The following SAMD5 variants were observed in gnomAD, a reference collection of about 807,000 sequenced individuals.
The protein encoded by SAMD5 is sterile alpha motif domain containing 5.
In SAMD5, 13 loss-of-function variants were observed where a neutral mutation model predicts 11.3. The observed-to-expected ratio is 1.15, with a 90% CI of 0.75 to 1.83. The LOEUF is 1.83. Among genes scored for constraint, SAMD5 ranks in the 40% most tolerant of loss-of-function variants. The pLI is 0.00. For missense variants in SAMD5, 255 were observed against 239.1 expected (o/e 1.07, Z -0.44); for synonymous variants, 129 against 111.3 (o/e 1.16, Z -1.00).
At chr6:147,605,666 C>A (rs557884703) in intron 1 of SAMD5, among the ~76,000 whole-genome samples, 5 of 152,250 alleles carry the variant, frequency 3.3e-5, no homozygotes, top group East Asian at 1.9e-4. Flanking sequence ...CAGAGACTTA[C>A]CCCCTTTATG....
the SAMD5 span, among the ~76,000 whole-genome samples, chr6:147,814,192 TG>T: frequency 3.3e-5 from 5 of 152,196 alleles, no homozygotes; most frequent in African/African-American, 9.6e-5. Flanking sequence ...GAAACTCAGA[TG>T]TATCTCTGTT....
chr6:147,524,866 T>C (rs1363962021), intron 1 of SAMD5, among the ~76,000 whole-genome samples: 1 of 152,176 alleles, frequency 6.6e-6, no homozygotes, highest in Non-Finnish European at 1.5e-5. Context: ...CCACATTATT[T>C]CCTTCAATCC....
chr6:147,588,538 C>T (rs967256022), intron 1 of SAMD5, among the ~76,000 whole-genome samples: 2 of 151,942 alleles, frequency 1.3e-5, no homozygotes, highest in African/African-American at 4.8e-5. Context: ...GTTGGCCAGG[C>T]TGGTCTCAAA....
chr6:147,859,008 G>T, the SAMD5 span, among the ~76,000 whole-genome samples: 1 of 152,196 alleles, frequency 6.6e-6, no homozygotes, highest in Admixed American at 6.5e-5. Flanking sequence ...AAGCAGGGAA[G>T]ATTGAAACCT....
intron 1 of SAMD5, among the ~76,000 whole-genome samples, chr6:147,547,004 G>A (rs755111367): frequency 5.9e-5 from 9 of 152,136 alleles, no homozygotes; most frequent in African/African-American, 2.2e-4. Context: ...CAGCGTTGGC[G>A]TTTCCCATTA....
chr6:147,762,170 T>G, the SAMD5 span, among the ~76,000 whole-genome samples: 1 of 152,192 alleles, frequency 6.6e-6, no homozygotes, highest in African/African-American at 2.4e-5. Flanking sequence ...GTCCCATTTT[T>G]GATTATGTCA....
At chr6:147,884,610 A>G in the SAMD5 span, among the ~76,000 whole-genome samples, 1 of 152,012 alleles carries the variant, frequency 6.6e-6, no homozygotes, top group Admixed American at 6.6e-5. Flanking sequence ...TCACTTTACA[A>G]TAGAAGGGAA....
In SAMD5 at chr6:147,685,570, T is replaced by C. The variant is rs574848257; in HGVS notation, c.163-51747T>C. On this transcript the variant is annotated intron_variant, in intron 1 of 1. Coordinates refer to the SAMD5 transcript ENST00000566741. Reference sequence around the variant, plus strand: ...CTTTCTTCATTTACATGGATAACTTTGCCTTCTTGGAGTTCTTCTGGCTGC... The same window carrying C: ...CTTTCTTCATTTACATGGATAACTTCGCCTTCTTGGAGTTCTTCTGGCTGC... Among the ~76,000 whole-genome samples the C allele has an allele frequency of 2.3e-4, 35 of 152,366 alleles. 1 individual carries two copies. The South Asian group carries it at 6.8e-3, about 30-fold the overall frequency.
chr6:147,920,998 A>T, the SAMD5 span, among the ~76,000 whole-genome samples: 1 of 152,076 alleles, frequency 6.6e-6, no homozygotes, highest in Non-Finnish European at 1.5e-5. Context: ...AAAATCTCAA[A>T]CCTAACTTGC....
At chr6:147,693,058 A>T (rs188632179) in intron 1 of SAMD5, among the ~76,000 whole-genome samples, 3 of 152,354 alleles carry the variant, frequency 2.0e-5, no homozygotes, top group East Asian at 3.9e-4. Context: ...ATTGATCTCA[A>T]TTAAAATCAG....
intron 1 of SAMD5, among the ~76,000 whole-genome samples, chr6:147,688,566 G>T (rs1214062053): frequency 6.6e-6 from 1 of 152,136 alleles, no homozygotes; most frequent in Non-Finnish European, 1.5e-5. Context: ...ATTGGGAGAG[G>T]TTCTCACCTG....
chr6:147,549,470 G>A (rs1004360384), intron 1 of SAMD5, among the ~76,000 whole-genome samples: 4 of 152,200 alleles, frequency 2.6e-5, no homozygotes, highest in South Asian at 2.1e-4. Flanking sequence ...GTAATGGAAG[G>A]TGATGGATAA....
the SAMD5 span, among the ~76,000 whole-genome samples, chr6:147,835,275 GCGGCTGT>G: frequency 6.7e-6 from 1 of 149,884 alleles, no homozygotes; most frequent in African/African-American, 2.5e-5. Flanking sequence ...AGATTGTGCA[GCGGCTGT>G]TGTGTTTGGA....
At chr6:147,806,539 T>C in the SAMD5 span, among the ~76,000 whole-genome samples, 1 of 152,236 alleles carries the variant, frequency 6.6e-6, no homozygotes, top group Non-Finnish European at 1.5e-5. Flanking sequence ...TGGCATGCTC[T>C]GACCTCTAGC....
intron 1 of SAMD5, among the ~76,000 whole-genome samples, chr6:147,525,152 A>T (rs533413044): frequency 4.0e-5 from 6 of 150,006 alleles, no homozygotes; most frequent in South Asian, 4.2e-4. Context: ...ATTTTTATTT[A>T]AAAAAAAAGA....
the SAMD5 span, among the ~76,000 whole-genome samples, chr6:147,920,751 T>A: frequency 1.3e-5 from 2 of 152,222 alleles, no homozygotes; most frequent in African/African-American, 4.8e-5. Flanking sequence ...CTAGTTAGCT[T>A]CATGGCATTA....
chr6:147,876,264 G>A, the SAMD5 span, among the ~76,000 whole-genome samples: 1 of 152,216 alleles, frequency 6.6e-6, no homozygotes, highest in East Asian at 1.9e-4. Context: ...GAGGAACTGG[G>A]AAGGCCCTGA....
At chr6:147,606,963 CAA>C (rs11377845) in intron 1 of SAMD5, among the ~76,000 whole-genome samples, 6 of 131,330 alleles carry the variant, frequency 4.6e-5, no homozygotes, top group Non-Finnish European at 4.8e-5. Flanking sequence ...CAGCTTTATC[CAA>C]AAAAAAAAAA....
At chr6:147,584,687 T>C (rs1789349444) in intron 1 of SAMD5, among the ~76,000 whole-genome samples, 1 of 152,230 alleles carries the variant, frequency 6.6e-6, no homozygotes, top group Non-Finnish European at 1.5e-5. Flanking sequence ...TGCATTACAA[T>C]TATATACATA....
Sources: allele counts gnomAD v4.1 joint callset (sites outside exome capture counted in the v4.1 genomes callset), GRCh38; gene constraint gnomAD v4.1.1; transcripts MANE v1.5; gene names NCBI Gene and HGNC (gene_info 2026-07-23, HGNC 2026-07-21).